SETD5: variants seen among roughly 807,000 people sequenced by gnomAD.
SETD5 encodes the protein SET domain containing 5.
A neutral mutation model predicts 153.3 loss-of-function variants in SETD5; 44 were observed. The observed-to-expected ratio is 0.29, with a 90% CI of 0.23 to 0.37. The LOEUF is 0.37. Ranked by LOEUF, SETD5 falls within the 10% of genes least tolerant of loss-of-function variation. SETD5 has a pLI of 1.00. For synonymous variants in SETD5, 716 were observed against 645.2 expected (o/e 1.11, Z -1.66); for missense variants, 1,544 against 1,768.0 (o/e 0.87, Z 2.27).
intron 1 of SETD5, among the ~76,000 whole-genome samples, chr3:9,418,725 C>T (rs1357888964): frequency 8.6e-5 from 13 of 151,606 alleles, no homozygotes; most frequent in Non-Finnish European, 1.6e-4. Context: ...ATTGCTTGAA[C>T]CCGGGAGGTG....
chr3:9,433,748 T>C (rs924086059), intron 3 of SETD5, 97 bp from the exon 4 acceptor site: 5 of 1,231,092 alleles, frequency 4.1e-6, no homozygotes, highest in Middle Eastern at 1.9e-4. Context: ...TGGCTAGTGG[T>C]TGTGGAAAGA....
intron 17 of SETD5, among the ~76,000 whole-genome samples, chr3:9,456,921 AGCCAAGGTCAC>A (rs2043318711): frequency 6.6e-6 from 1 of 152,190 alleles, no homozygotes; most frequent in Non-Finnish European, 1.5e-5. Context: ...AGTTGCAGTG[AGCCAAGGTCAC>A]GCCACTGCAC....
intron 1 of SETD5, among the ~76,000 whole-genome samples, chr3:9,413,360 G>GT (rs1388576633): frequency 6.6e-6 from 1 of 152,122 alleles, no homozygotes; most frequent in East Asian, 1.9e-4. Context: ...TGTGCAATAG[G>GT]TAACATTTTA....
rs2044352680 is a variant in SETD5 at position 9,464,690 on chromosome 3, G to C, written c.2724+18G>C. 3 of 1,613,842 alleles carry C rather than the reference G, an allele frequency of 1.9e-6. No individual in the cohort carries two copies. Among genetic ancestry groups the C allele is most frequent in the Admixed American group, 1.7e-5 (1 of 60,002 alleles). On this transcript the variant is annotated intron_variant, in intron 18 of 22. Transcript: ENST00000402198. The stretch of plus-strand genomic sequence containing the variant: ...AGTTTGAGGTGATTTGGGTTTGGTT[G>C]CTGGGAGTGCTGGATATGAAAATCA...
At position 9,452,310 on chromosome 3, in the gene SETD5, A is replaced by T. The variant is rs188142692; in HGVS notation, c.2347-1429A>T. ...AGAAAAACTTAAAGGTGGCCATAAC[A>T]AAAGATTTTTCACTCCTGAGCCTAA... On this transcript the variant is annotated intron_variant, in intron 16 of 22. Transcript: ENST00000402198. Among the ~76,000 whole-genome samples, 162 of 152,346 alleles carry T rather than the reference A, an allele frequency of 1.1e-3. No individual in the cohort carries two copies. The Middle Eastern group carries it at 0.014, about 13-fold the overall frequency.
intron 1 of SETD5, among the ~76,000 whole-genome samples, chr3:9,403,042 A>G (rs1252045748): frequency 6.6e-6 from 1 of 152,182 alleles, no homozygotes; most frequent in Non-Finnish European, 1.5e-5. Context: ...CTCTTTGCAC[A>G]GCAGGGAGGC....
At chr3:9,473,189 A>G (rs2125605073) in intron 19 of SETD5, 47 bp from the exon 20 acceptor site, 3 of 1,574,728 alleles carry the variant, frequency 1.9e-6, no homozygotes, top group East Asian at 4.5e-5. Flanking sequence ...CACTAATGAT[A>G]TCCAGATAGA....
At chr3:9,450,622 C>G (rs2042511288) in intron 16 of SETD5, among the ~76,000 whole-genome samples, 1 of 152,224 alleles carries the variant, frequency 6.6e-6, no homozygotes, top group South Asian at 2.1e-4. Context: ...TTACCTAATG[C>G]AGAACCTAAG....
chr3:9,427,098 C>T (rs1016891641), intron 2 of SETD5, among the ~76,000 whole-genome samples: 1 of 151,972 alleles, frequency 6.6e-6, no homozygotes, highest in Non-Finnish European at 1.5e-5. Flanking sequence ...GTTGTCTCAG[C>T]TGGTCTCAAA....
intron 1 of SETD5, among the ~76,000 whole-genome samples, chr3:9,402,078 A>G (rs2034869534): frequency 6.6e-6 from 1 of 152,180 alleles, no homozygotes; most frequent in Admixed American, 6.5e-5. Flanking sequence ...GATTCTGGGA[A>G]GTTCATGAAA....
intron 3 of SETD5, chr3:9,429,761 C>T: frequency 9.3e-7 from 1 of 1,073,770 alleles, no homozygotes; most frequent in Non-Finnish European, 1.2e-6. Context: ...TCCGAGATTC[C>T]CCCTGCTCAC....
At chr3:9,472,987 T>C (rs2045487232) in intron 19 of SETD5, among the ~76,000 whole-genome samples, 1 of 152,224 alleles carries the variant, frequency 6.6e-6, no homozygotes, top group Admixed American at 6.5e-5. Flanking sequence ...GCAAACATTC[T>C]TTAGAGACTT....
chr3:9,447,059 G>T lies in SETD5; in HGVS notation c.1534G>T (p.Asp512Tyr), dbSNP rs773953930. ...NLAHSRRTREDRKVEAIMHAF... is the reference protein window; with the variant it reads ...NLAHSRRTREYRKVEAIMHAF... ...TACTATCTCTTTCTAGACCAGGGAA[G>T]ATAGAAAGGTAGAAGCCATCATGCA... Residue 512 changes from aspartate to tyrosine, a missense_variant, in exon 14 of 23, where the codon GAT (aspartate) becomes TAT (tyrosine). Around this residue, in one of 9 missense-constraint regions of SETD5, gnomAD observed 782 missense variants for 787.2 expected, o/e 0.99. Transcript: ENST00000402198. 8.1e-6 allele frequency: 13 copies of T among 1,608,948 alleles called. No homozygotes were observed. The South Asian group carries it at 8.8e-5, about 11-fold the overall frequency.
chr3:9,443,952 C>T (rs2041621718), intron 11 of SETD5, among the ~76,000 whole-genome samples: 1 of 152,154 alleles, frequency 6.6e-6, no homozygotes. Flanking sequence ...GTCCCAGCCA[C>T]TTGAGAGGCT....
rs1242424435 is a variant in SETD5 at position 9,476,814 on chromosome 3, C to T, written c.*723C>T. ...GTCTGAGCCTCCAACTGTTACCATC[C>T]TACTCCCCCTTCCCAAGCTATTTCA... On this transcript the variant is annotated 3_prime_UTR_variant, in exon 23 of 23. Transcript: ENST00000402198. The T allele has an allele frequency of 6.6e-6, 1 of 152,518 alleles. No homozygotes were observed. Among genetic ancestry groups the T allele is most frequent in the African/African-American group, 2.4e-5 (1 of 41,414 alleles). 9.4% of individuals were successfully genotyped at this position (152,518 alleles called of 1,614,324 possible). A position where few individuals can be genotyped will look rare whatever the true frequency, so the allele number is the denominator to read the frequency against.
intron 1 of SETD5, among the ~76,000 whole-genome samples, chr3:9,404,035 T>C (rs1269104758): frequency 6.6e-6 from 1 of 152,260 alleles, no homozygotes; most frequent in East Asian, 1.9e-4. Context: ...AAATGCTTAA[T>C]ATATTTTAAA....
intron 17 of SETD5, among the ~76,000 whole-genome samples, chr3:9,464,002 C>T (rs1210483820): frequency 2.0e-5 from 3 of 152,150 alleles, no homozygotes; most frequent in Non-Finnish European, 4.4e-5. Flanking sequence ...GTGGTGCATG[C>T]CTGTAATCCC....
chr3:9,401,424 G>A (rs369938486), intron 1 of SETD5, among the ~76,000 whole-genome samples: 1 of 152,116 alleles, frequency 6.6e-6, no homozygotes, highest in African/African-American at 2.4e-5. Context: ...GGATCATACA[G>A]GCCCTTTTCA....
intron 1 of SETD5, among the ~76,000 whole-genome samples, chr3:9,406,468 C>T (rs188584284): frequency 8.6e-5 from 13 of 152,044 alleles, no homozygotes; most frequent in East Asian, 1.9e-4. Context: ...TCTGGCCGGG[C>T]GCGGTGGCTC....
Sources: allele counts gnomAD v4.1 joint callset (sites outside exome capture counted in the v4.1 genomes callset), GRCh38; gene constraint gnomAD v4.1.1; regional missense constraint gnomAD v4.1.1; transcripts MANE v1.5; gene names NCBI Gene and HGNC (gene_info 2026-07-23, HGNC 2026-07-21).